The following ESRRB variants were observed in gnomAD, a reference collection of about 807,000 sequenced individuals.
ESRRB encodes the protein steroid hormone receptor ERR2.
ESRRB carries 16 observed loss-of-function variants against 46.0 expected under a neutral mutation model. The observed-to-expected ratio is 0.35, with a 90% CI of 0.24 to 0.53. The LOEUF is 0.53. Among genes scored for constraint, ESRRB ranks in the 20% least tolerant of loss-of-function variants. The pLI is 0.93. For synonymous variants in ESRRB, 246 were observed against 259.6 expected (o/e 0.95, Z 0.50); for missense variants, 488 against 607.4 (o/e 0.80, Z 2.07).
chr14:76,372,043 G>A (rs577784676), upstream of ESRRB, among the ~76,000 whole-genome samples: 127 of 152,248 alleles, frequency 8.3e-4, no homozygotes, highest in African/African-American at 2.9e-3. Flanking sequence ...ATTTTCACCC[G>A]ACCTCTGGCA....
intron 1 of ESRRB, among the ~76,000 whole-genome samples, chr14:76,340,534 C>T (rs1046718528): frequency 3.3e-5 from 5 of 152,312 alleles, no homozygotes; most frequent in South Asian, 2.1e-4. Context: ...CACATGGAGA[C>T]GGTTCTACCT....
At chr14:76,388,481 G>A (rs1267071469) in intron 1 of ESRRB, among the ~76,000 whole-genome samples, 2 of 151,312 alleles carry the variant, frequency 1.3e-5, no homozygotes, top group Admixed American at 1.3e-4. Flanking sequence ...CACTGCACCC[G>A]GCCTAGAATT....
intron 6 of ESRRB, chr14:76,495,624 A>G (rs1044045424): frequency 1.3e-5 from 2 of 151,806 alleles, no homozygotes; most frequent in African/African-American, 4.8e-5. Flanking sequence ...AAATAAATAA[A>G]TAAAATAAAG....
upstream of ESRRB, among the ~76,000 whole-genome samples, chr14:76,367,444 C>G (rs1884535863): frequency 6.6e-6 from 1 of 151,896 alleles, no homozygotes; most frequent in African/African-American, 2.4e-5. Context: ...GTAGTCCCAG[C>G]TCTCCAGGAG....
At chr14:76,371,977 A>T (rs1884635877), upstream of ESRRB, among the ~76,000 whole-genome samples, 1 of 152,060 alleles carries the variant, frequency 6.6e-6, no homozygotes, top group Non-Finnish European at 1.5e-5. Flanking sequence ...GTGTCTGGGG[A>T]GGCTGCCTCA....
In ESRRB at chr14:76,348,520, A is replaced by C. The variant is rs185381570; in HGVS notation, c.2+37604A>C. On this transcript the variant is annotated intron_variant, in intron 1 of 6. Transcript: ENST00000512784. Reference sequence around the variant, plus strand: ...TGTGCAAGACCTCAGAATCATCCTTAGCCAACTGAATTCTTAAAGCCAGTG... The same window carrying C: ...TGTGCAAGACCTCAGAATCATCCTTCGCCAACTGAATTCTTAAAGCCAGTG... Among the ~76,000 whole-genome samples, 387 of 152,334 alleles carry C rather than the reference A, an allele frequency of 2.5e-3. 3 individuals carry two copies. The highest frequency in any genetic ancestry group is 8.7e-3 in the African/African-American group (360 of 41,572).
intron 1 of ESRRB, among the ~76,000 whole-genome samples, chr14:76,344,462 A>G (rs1884225467): frequency 6.7e-6 from 1 of 150,348 alleles, no homozygotes; most frequent in African/African-American, 2.5e-5. Flanking sequence ...CCATTGTATC[A>G]TTCTTATGCC....
chr14:76,332,687 T>TA (rs1253851822), intron 1 of ESRRB, among the ~76,000 whole-genome samples: 7 of 28,210 alleles, frequency 2.5e-4, no homozygotes, highest in African/African-American at 3.0e-4. Flanking sequence ...TATTATATAT[T>TA]TATATATTTA....
intron 2 of ESRRB, among the ~76,000 whole-genome samples, chr14:76,446,267 G>A (rs1464354118): frequency 6.6e-6 from 1 of 152,128 alleles, no homozygotes; most frequent in African/African-American, 2.4e-5. Flanking sequence ...TCAGTCTCCT[G>A]GCTCTCAGAG....
chr14:76,402,779 C>A (rs949095025), intron 1 of ESRRB, among the ~76,000 whole-genome samples: 2 of 152,160 alleles, frequency 1.3e-5, no homozygotes, highest in African/African-American at 4.8e-5. Context: ...AGCTACCCTC[C>A]TGCCTCAGCC....
rs764181534 is a variant in ESRRB at position 76,491,603 on chromosome 14, C to T, written c.1007C>T (p.Ala336Val). The part of the protein sequence containing the change: ...YIMDEEHSRL[A>V]GLLELYRAIL... Reference sequence around the variant, plus strand: ...ATGGATGAGGAGCACTCCCGCCTCGCGGGGCTGCTGGAGCTCTACCGGGCC... The same window carrying T: ...ATGGATGAGGAGCACTCCCGCCTCGTGGGGCTGCTGGAGCTCTACCGGGCC... The change falls in exon 6 of 7, where the codon GCG becomes GTG. Residue 336 changes from alanine (A) to valine (V), a missense_variant. Ala to Val is a moderately conservative substitution (Grantham distance 64). Coordinates refer to ENST00000644823, the MANE Select transcript of ESRRB (RefSeq NM_001379180.1). 17 of 1,586,650 alleles carry T rather than the reference C, an allele frequency of 1.1e-5. No homozygotes were observed. Among genetic ancestry groups the T allele is most frequent in the East Asian group, 4.5e-5 (2 of 43,996 alleles).
At chr14:76,374,394 T>C (rs980527624), upstream of ESRRB, among the ~76,000 whole-genome samples, 4 of 152,018 alleles carry the variant, frequency 2.6e-5, no homozygotes, top group Non-Finnish European at 5.9e-5. Flanking sequence ...AGGTGGCAGA[T>C]GTAAAGACTG....
chr14:76,374,014 G>T (rs1884684541), upstream of ESRRB, among the ~76,000 whole-genome samples: 1 of 152,134 alleles, frequency 6.6e-6, no homozygotes, highest in Non-Finnish European at 1.5e-5. Context: ...TAAAAACGGT[G>T]CACCCACACA....
chr14:76,484,624 A>G (rs180846982), intron 5 of ESRRB, among the ~76,000 whole-genome samples: 2 of 152,156 alleles, frequency 1.3e-5, no homozygotes, highest in Admixed American at 1.3e-4. Context: ...CCCCTGCAAC[A>G]CCACGGAGGA....
rs565150559 is a variant in ESRRB at position 76,447,362 on chromosome 14, A to G, written c.460+7612A>G. On this transcript the variant is annotated intron_variant, in intron 2 of 6. Transcript: ENST00000644823. ...ATCTTGTAAAATATATATCTCCTCTACCTTCAGCTTCCTGGTTCTTCCTCT... is the reference window on the plus strand; with the variant it reads ...ATCTTGTAAAATATATATCTCCTCTGCCTTCAGCTTCCTGGTTCTTCCTCT... Among the ~76,000 whole-genome samples the G allele has an allele frequency of 3.4e-5, 5 of 148,884 alleles. No individual in the cohort carries two copies. The South Asian group carries it at 6.4e-4, about 19-fold the overall frequency.
At chr14:76,406,765 CA>C (rs1259432603) in intron 1 of ESRRB, among the ~76,000 whole-genome samples, 5 of 149,982 alleles carry the variant, frequency 3.3e-5, no homozygotes, top group Non-Finnish European at 7.4e-5. Context: ...AACAAACAAA[CA>C]AAAAACCAGT....
intron 2 of ESRRB, among the ~76,000 whole-genome samples, chr14:76,446,124 G>A (rs1888135119): frequency 6.6e-6 from 1 of 152,186 alleles, no homozygotes; most frequent in Non-Finnish European, 1.5e-5. Context: ...TTGGAATACA[G>A]CCACACCTAT....
At chr14:76,316,761 A>C (rs1883805260) in intron 1 of ESRRB, among the ~76,000 whole-genome samples, 1 of 151,928 alleles carries the variant, frequency 6.6e-6, no homozygotes. Flanking sequence ...AAAAAAAATG[A>C]GATGAGTCTT....
intron 1 of ESRRB, among the ~76,000 whole-genome samples, chr14:76,338,920 G>A (rs1436965834): frequency 6.6e-6 from 1 of 152,170 alleles, no homozygotes; most frequent in Non-Finnish European, 1.5e-5. Context: ...TCTAGCCTGG[G>A]CAACAAAGCT....
Sources: gnomAD v4.1 joint callset for allele counts (sites outside exome capture counted in the v4.1 genomes callset) on GRCh38, gnomAD v4.1.1 for gene constraint, MANE v1.5 for transcripts, NCBI Gene and HGNC (gene_info 2026-07-23, HGNC 2026-07-21) for gene names.